The following TTC29 variants were observed in gnomAD, a reference collection of about 807,000 sequenced individuals.
The protein encoded by TTC29 is tetratricopeptide repeat protein 29.
A neutral mutation model predicts 58.1 loss-of-function variants in TTC29; 49 were observed. The observed-to-expected ratio is 0.84, with a 90% CI of 0.67 to 1.07. TTC29 has a LOEUF of 1.07. Ranked by LOEUF, TTC29 falls within the 50% of genes least tolerant of loss-of-function variation. The pLI, the probability that TTC29 is intolerant of heterozygous loss-of-function variation, is 0.00. For missense variants in TTC29, 582 were observed against 555.6 expected (o/e 1.05, Z -0.48); for synonymous variants, 209 against 196.8 (o/e 1.06, Z -0.52).
At chr4:146,725,635 C>T (rs956776392) in intron 11 of TTC29, among the ~76,000 whole-genome samples, 2 of 152,154 alleles carry the variant, frequency 1.3e-5, no homozygotes, top group African/African-American at 2.4e-5. Context: ...ACCAAAAAGC[C>T]TATTTTATAT....
intron 11 of TTC29, among the ~76,000 whole-genome samples, chr4:146,730,758 C>G (rs112765146): frequency 6.6e-6 from 1 of 152,020 alleles, no homozygotes; most frequent in Non-Finnish European, 1.5e-5. Context: ...TTTGGCGATG[C>G]GAAAGCCATT....
At chr4:146,724,444 T>C (rs1010872901) in intron 11 of TTC29, among the ~76,000 whole-genome samples, 2 of 152,232 alleles carry the variant, frequency 1.3e-5, no homozygotes, top group Non-Finnish European at 2.9e-5. Flanking sequence ...TATTTGCTCC[T>C]TTTACAAGGA....
At chr4:146,904,332 C>A (rs566868648) in intron 5 of TTC29, among the ~76,000 whole-genome samples, 1 of 152,154 alleles carries the variant, frequency 6.6e-6, no homozygotes, top group East Asian at 1.9e-4. Context: ...AAAGAGTAGA[C>A]TTCTACGCTT....
At chr4:146,907,561 C>A (rs1733603956) in intron 5 of TTC29, among the ~76,000 whole-genome samples, 1 of 152,164 alleles carries the variant, frequency 6.6e-6, no homozygotes, top group African/African-American at 2.4e-5. Context: ...CGCAATGGAG[C>A]AATCTCAGCT....
At chr4:146,926,573 C>T (rs1158654003) in intron 4 of TTC29, among the ~76,000 whole-genome samples, 1 of 152,068 alleles carries the variant, frequency 6.6e-6, no homozygotes, top group African/African-American at 2.4e-5. Flanking sequence ...AGCAATTCTC[C>T]TGCCTCAGCC....
chr4:146,781,318 A>G (rs1219291425), intron 11 of TTC29, among the ~76,000 whole-genome samples: 1 of 151,960 alleles, frequency 6.6e-6, no homozygotes, highest in Non-Finnish European at 1.5e-5. Context: ...AGATTGCATC[A>G]TATTGAAATG....
intron 4 of TTC29, among the ~76,000 whole-genome samples, chr4:146,914,065 T>G (rs970818244): frequency 5.3e-5 from 8 of 152,166 alleles, no homozygotes; most frequent in Non-Finnish European, 5.9e-5. Context: ...TGCTAATATT[T>G]GAGAGCAAGA....
chr4:146,926,385 G>A (rs1332653629), intron 4 of TTC29, among the ~76,000 whole-genome samples: 1 of 152,142 alleles, frequency 6.6e-6, no homozygotes, highest in Admixed American at 6.6e-5. Context: ...AGTAATTCCA[G>A]TGGGGAGCAT....
intron 11 of TTC29, among the ~76,000 whole-genome samples, chr4:146,733,564 A>G (rs1438946759): frequency 6.6e-6 from 1 of 152,142 alleles, no homozygotes; most frequent in Admixed American, 6.6e-5. Context: ...ATAATTCTAC[A>G]TACTTATCCT....
intron 11 of TTC29, among the ~76,000 whole-genome samples, chr4:146,708,320 A>ATATATATACATGTATGTGTGTG (rs1742154932): frequency 2.4e-4 from 7 of 29,042 alleles, no homozygotes; most frequent in African/African-American, 4.7e-4. Context: ...ATATATATAT[A>ATATATATACATGTATGTGTGTG]TATATATATA....
At chr4:146,743,919 A>G (rs1389536994) in intron 11 of TTC29, among the ~76,000 whole-genome samples, 1 of 152,154 alleles carries the variant, frequency 6.6e-6, no homozygotes, top group African/African-American at 2.4e-5. Context: ...TAATAGAGCA[A>G]TTGATCAAAG....
intron 9 of TTC29, among the ~76,000 whole-genome samples, chr4:146,824,856 C>T (rs1376879948): frequency 6.6e-6 from 1 of 152,084 alleles, no homozygotes; most frequent in Non-Finnish European, 1.5e-5. Flanking sequence ...AGGAATTTAT[C>T]CATTTCTTCT....
At chr4:146,806,595 T>C (rs1414658639) in intron 10 of TTC29, among the ~76,000 whole-genome samples, 1 of 149,488 alleles carries the variant, frequency 6.7e-6, no homozygotes, top group Admixed American at 6.7e-5. Flanking sequence ...TAGTCTCTGA[T>C]AAAACAGACT....
intron 11 of TTC29, among the ~76,000 whole-genome samples, chr4:146,784,869 G>A (rs1748893573): frequency 6.6e-6 from 1 of 151,946 alleles, no homozygotes; most frequent in African/African-American, 2.4e-5. Context: ...TCATCATTAA[G>A]GTCTACCAAA....
intron 6 of TTC29, among the ~76,000 whole-genome samples, chr4:146,893,921 A>G (rs1006807350): frequency 1.3e-5 from 2 of 152,366 alleles, no homozygotes; most frequent in African/African-American, 4.8e-5. Context: ...CAAAAGACAC[A>G]TGAAAAAATA....
intron 11 of TTC29, among the ~76,000 whole-genome samples, chr4:146,724,906 G>A (rs1001399196): frequency 4.6e-5 from 7 of 152,014 alleles, no homozygotes; most frequent in Admixed American, 2.6e-4. Context: ...TCAGCTATAC[G>A]ACTTATCTTA....
At chr4:146,728,858 C>CGT (rs1561066804) in intron 11 of TTC29, among the ~76,000 whole-genome samples, 1 of 41,188 alleles carries the variant, frequency 2.4e-5, no homozygotes, top group Non-Finnish European at 6.0e-5. Flanking sequence ...TATATATATA[C>CGT]ACATATATAT....
chr4:146,757,652 G>T (rs1419158954), intron 11 of TTC29, among the ~76,000 whole-genome samples: 1 of 152,064 alleles, frequency 6.6e-6, no homozygotes. Flanking sequence ...AAGGGATTGG[G>T]GCACTATCTT....
At chr4:146,718,382 C>G (rs1307226985) in intron 11 of TTC29, among the ~76,000 whole-genome samples, 2 of 152,094 alleles carry the variant, frequency 1.3e-5, no homozygotes, top group East Asian at 3.9e-4. Context: ...CAACATTCAC[C>G]TTTCATCTTT....
Sources: allele counts gnomAD v4.1 joint callset (sites outside exome capture counted in the v4.1 genomes callset), GRCh38; gene constraint gnomAD v4.1.1; transcripts MANE v1.5; gene names NCBI Gene and HGNC (gene_info 2026-07-23, HGNC 2026-07-21).